ECT2L: variants seen among roughly 807,000 people sequenced by gnomAD.
The protein encoded by ECT2L is epithelial cell-transforming sequence 2 oncogene-like.
ECT2L carries 126 observed loss-of-function variants against 122.8 expected under a neutral mutation model. The observed-to-expected ratio is 1.03, with a 90% confidence interval of 0.89 to 1.19. ECT2L has a LOEUF of 1.19. Among genes scored for constraint, ECT2L ranks in the 50% most tolerant of loss-of-function variants. The probability of loss-of-function intolerance (pLI) is 0.00; values close to 1 mark genes in which losing one functional copy is unlikely to be tolerated. For synonymous variants in ECT2L, 385 were observed against 381.8 expected, an observed-to-expected ratio of 1.01 and a Z score of -0.10; for missense variants, 1,012 against 1,064.1, an observed-to-expected ratio of 0.95 and a Z score of 0.68.
At chr6:138,893,248 T>C (rs2128412653) in intron 20 of ECT2L, among the ~76,000 whole-genome samples, 1 of 151,146 alleles carries the variant, frequency 6.6e-6, no homozygotes, top group South Asian at 2.1e-4. Flanking sequence ...TGGCTGGAGT[T>C]GGGTATTTCC....
At chr6:138,826,190 T>C (rs1162245070) in intron 4 of ECT2L, among the ~76,000 whole-genome samples, 1 of 152,158 alleles carries the variant, frequency 6.6e-6, no homozygotes, top group Middle Eastern at 3.2e-3. Context: ...TAGTAATTCA[T>C]ATTCCAATTC....
chr6:138,802,903 C>T (rs756943136), intron 1 of ECT2L, among the ~76,000 whole-genome samples: 1 of 151,866 alleles, frequency 6.6e-6, no homozygotes, highest in Admixed American at 6.6e-5. Flanking sequence ...TGGTGAAACC[C>T]CATCTCTACT....
chr6:138,799,719 C>T (rs946645260), intron 1 of ECT2L, among the ~76,000 whole-genome samples: 1 of 152,186 alleles, frequency 6.6e-6, no homozygotes, highest in African/African-American at 2.4e-5. Flanking sequence ...GCCGCCACAC[C>T]TGGCTAATTT....
chr6:138,893,681 C>G (rs1032924320), intron 20 of ECT2L, among the ~76,000 whole-genome samples: 1 of 152,110 alleles, frequency 6.6e-6, no homozygotes, highest in Admixed American at 6.5e-5. Flanking sequence ...CTTGGCCTCC[C>G]GAAGTGCTGT....
chr6:138,892,837 A>C (rs1779077881), intron 20 of ECT2L, among the ~76,000 whole-genome samples: 1 of 152,182 alleles, frequency 6.6e-6, no homozygotes, highest in Non-Finnish European at 1.5e-5. Flanking sequence ...ACGATGTGTC[A>C]GGTAAAAGGA....
At chr6:138,862,573 T>A in intron 10 of ECT2L, 54 bp from the exon 11 acceptor site, 2 of 1,526,102 alleles carry the variant, frequency 1.3e-6, no homozygotes, top group Non-Finnish European at 1.8e-6. Context: ...AGTTATATGA[T>A]CTTCCATGGC....
chr6:138,816,177 C>G (rs927895573), intron 4 of ECT2L, among the ~76,000 whole-genome samples: 194 of 152,336 alleles, frequency 1.3e-3, no homozygotes, highest in African/African-American at 4.4e-3. Context: ...TTTATAACCA[C>G]TTTGTGCATC....
At position 138,850,069 on chromosome 6, in the gene ECT2L, C is replaced by T. The variant is rs565336468; in HGVS notation, c.1069+635C>T. ...TCCACAGGCCCTGACAACCACCATTCGACTTCATTTCTATGAATTTGAGTA... is the reference window on the plus strand; with the variant it reads ...TCCACAGGCCCTGACAACCACCATTTGACTTCATTTCTATGAATTTGAGTA... On this transcript the variant is annotated intron_variant, in intron 9 of 21. Transcript: ENST00000541398. Among the ~76,000 whole-genome samples the T allele has an allele frequency of 1.6e-3, 247 of 152,224 alleles. 1 individual carries two copies. Among genetic ancestry groups the T allele is most frequent in the Non-Finnish European group, 2.1e-3 (140 of 68,016 alleles).
chr6:138,853,946 T>TA (rs1233813065), intron 9 of ECT2L, 80 bp from the exon 10 acceptor site: 2 of 1,502,950 alleles, frequency 1.3e-6, no homozygotes, highest in African/African-American at 2.8e-5. Context: ...ATTTTGTGCT[T>TA]ACATTTTCAC....
intron 10 of ECT2L, among the ~76,000 whole-genome samples, chr6:138,859,810 C>CTTTTTTTTTTT (rs36087999): frequency 6.9e-6 from 1 of 145,872 alleles, no homozygotes. Flanking sequence ...AAGCACAGTT[C>CTTTTTTTTTTT]TTTTTTTTTT....
At chr6:138,885,022 C>CTTTTTT (rs34579502) in intron 16 of ECT2L, among the ~76,000 whole-genome samples, 80 of 78,858 alleles carry the variant, frequency 1.0e-3, no homozygotes, top group African/African-American at 1.6e-3. Context: ...AACACACATT[C>CTTTTTT]TTTTTTTTTT....
chr6:138,861,663 C>T (rs188101809), intron 10 of ECT2L, among the ~76,000 whole-genome samples: 153 of 152,126 alleles, frequency 1.0e-3, no homozygotes, highest in Non-Finnish European at 1.9e-3. Context: ...AAATTTTCTC[C>T]CATTCTGTAG....
At chr6:138,877,947 G>T (rs2128405638) in intron 14 of ECT2L, among the ~76,000 whole-genome samples, 1 of 152,006 alleles carries the variant, frequency 6.6e-6, no homozygotes, top group Admixed American at 6.6e-5. Flanking sequence ...AGAAGAGTGT[G>T]TTTATAATAT....
chr6:138,882,713 T>C lies in ECT2L; in HGVS notation c.1881-11T>C. 6.2e-7 allele frequency: 1 copy of C among 1,613,550 alleles called. No individual in the cohort carries two copies. The highest frequency in any genetic ancestry group is 8.5e-7 in the Non-Finnish European group (1 of 1,179,838). On this transcript the variant is annotated splice_polypyrimidine_tract_variant and intron_variant, in intron 15 of 21. Transcript: ENST00000541398. ...TGAATATTTCATGCTTATGCTCTTC[T>C]CATACCACAGGCAGTTTCTAGATAA...
In ECT2L at chr6:138,896,760, G is replaced by C. The variant is rs112747158; in HGVS notation, c.2415-4188G>C. 4.6e-3 allele frequency among the ~76,000 whole-genome samples: 696 copies of C among 152,228 alleles called. 7 individuals are homozygous for C. The highest frequency in any genetic ancestry group is 0.016 in the African/African-American group (653 of 41,536). On this transcript the variant is annotated intron_variant, in intron 20 of 21. Coordinates refer to ENST00000541398, the MANE Select transcript of ECT2L (RefSeq NM_001077706.3). Reference sequence around the variant, plus strand: ...CCTCCTGGGTTCAAGCGATTCTCCTGCCTCAGCCTCCCAAGTAGCTGGGAC... The same window carrying C: ...CCTCCTGGGTTCAAGCGATTCTCCTCCCTCAGCCTCCCAAGTAGCTGGGAC...
Position 138,876,466 on chromosome 6 carries a change from C to A in ECT2L, c.1579-6C>A. The A allele has an allele frequency of 6.2e-7, 1 of 1,604,696 alleles. No homozygotes were observed. The highest frequency in any genetic ancestry group is 1.7e-5 in the Admixed American group (1 of 59,640). On this transcript the variant is annotated splice_region_variant and splice_polypyrimidine_tract_variant and intron_variant, in intron 13 of 21. Transcript: ENST00000541398. ...TCCAATAACCAAGTTTCCATTCAAT[C>A]TTCAGGAAAGAAATGTTGTAGAAGA...
At chr6:138,901,779 T>C (rs1779403897) in intron 21 of ECT2L, among the ~76,000 whole-genome samples, 1 of 152,246 alleles carries the variant, frequency 6.6e-6, no homozygotes, top group Admixed American at 6.5e-5. Context: ...GCAATCTGAA[T>C]GTAACATCTC....
intron 7 of ECT2L, 128 bp from the exon 8 acceptor site, chr6:138,846,411 T>G: frequency 6.6e-6 from 5 of 759,700 alleles, no homozygotes; most frequent in Non-Finnish European, 9.5e-6. Context: ...AAACACAGGG[T>G]GAGGCTAAGG....
intron 5 of ECT2L, among the ~76,000 whole-genome samples, chr6:138,842,036 AC>A (rs1184391120): frequency 1.3e-5 from 2 of 152,242 alleles, no homozygotes; most frequent in African/African-American, 4.8e-5. Context: ...GATAAGTGTC[AC>A]AAAGATGTCT....
Sources: allele counts gnomAD v4.1 joint callset (sites outside exome capture counted in the v4.1 genomes callset), GRCh38; gene constraint gnomAD v4.1.1; transcripts MANE v1.5; gene names NCBI Gene and HGNC (gene_info 2026-07-23, HGNC 2026-07-21).